Variants in ABCA2 observed in about 807,000 individuals in gnomAD.
ABCA2 encodes ATP binding cassette subfamily A member 2.
ABCA2 carries 84 observed loss-of-function variants against 262.8 expected under a neutral mutation model. The observed-to-expected ratio is 0.32, with a 90% CI of 0.27 to 0.38. The LOEUF (loss-of-function observed/expected upper bound fraction) is 0.38, where lower values mean the gene tolerates loss of function less well. Among genes scored for constraint, ABCA2 ranks in the 10% least tolerant of loss-of-function variants. The pLI, the probability that ABCA2 is intolerant of heterozygous loss-of-function variation, is 1.00. For missense variants in ABCA2, 2,662 were observed against 3,405.9 expected (o/e 0.78, Z 5.44); for synonymous variants, 1,696 against 1,502.9 (o/e 1.13, Z -2.97).
chr9:137,015,632 G>A, intron 23 of ABCA2, 36 bp from the exon 24 acceptor site: 2 of 1,611,394 alleles, frequency 1.2e-6, no homozygotes, highest in Non-Finnish European at 1.7e-6. Context: ...AGGGGGCAGG[G>A]GAGGCGCCGC....
chr9:137,012,946 G>A (rs761136889), intron 30 of ABCA2, 21 bp from the exon 31 acceptor site: 80 of 1,489,768 alleles, frequency 5.4e-5, no homozygotes, highest in South Asian at 2.6e-4. Context: ...AGCATGGTGC[G>A]GTGAGAAGGA....
At chr9:137,017,162 G>C in intron 18 of ABCA2, 34 bp downstream of exon 18, 3 of 1,611,524 alleles carry the variant, frequency 1.9e-6, no homozygotes, top group Non-Finnish European at 1.7e-6. Context: ...GGGTGGCCCG[G>C]CACCCCAGCC....
intron 10 of ABCA2, 161 bp downstream of exon 10, chr9:137,020,157 TCCCGAAAGGAAAAGCGAC>T: frequency 4.1e-6 from 3 of 739,556 alleles, no homozygotes; most frequent in Non-Finnish European, 6.4e-6. Context: ...CCCCTGGAGC[TCCCGAAAGGAAAAGCGAC>T]CCCCTGGTCC....
At chr9:137,010,771 C>T (rs749539909) in intron 39 of ABCA2, 34 bp from the exon 40 acceptor site, 25 of 1,589,294 alleles carry the variant, frequency 1.6e-5, no homozygotes, top group Middle Eastern at 1.7e-4. Context: ...TCCAGCAGCT[C>T]GCCACCCCCA....
rs372371950 is a variant in ABCA2, at chr9:137,020,765, C to T, written c.1194G>A (p.Thr398=). The T allele has an allele frequency of 4.7e-4, 753 of 1,598,012 alleles. No individual in the cohort carries two copies. The highest frequency in any genetic ancestry group is 6.0e-4 in the Non-Finnish European group (707 of 1,175,670). ...PSAAALATPD[T]LQGQCSAFVQ... The stretch of plus-strand genomic sequence containing the variant: ...CGAAGGCTGAGCACTGGCCCTGCAG[C>T]GTGTCCGGGGTGGCCAGTGCTGCAG... The change falls in exon 9 of 49, where the codon ACG becomes ACA. Residue 398 remains threonine, a synonymous_variant. Transcript: ENST00000341511.
Position 137,017,675 on chromosome 9 carries a change from G to A in ABCA2, c.2229C>T (p.Gly743=). The A allele has an allele frequency of 2.5e-6, 4 of 1,609,532 alleles. No individual in the cohort carries two copies. The highest frequency in any genetic ancestry group is 3.4e-6 in the Non-Finnish European group (4 of 1,177,246). Residue 743 remains glycine (G), a synonymous_variant, in exon 17 of 49, where the codon GGC becomes GGT. Coordinates refer to ENST00000341511, the MANE Select transcript of ABCA2 (RefSeq NM_001606.5). Reference sequence around the variant, plus strand: ...CCACCCAGTGCACCGCGTTGTTCAGGCCCATGGTCTTCATCACCTGCGGGT... The same window carrying A: ...CCACCCAGTGCACCGCGTTGTTCAGACCCATGGTCTTCATCACCTGCGGGT... The part of the protein sequence containing the change: ...HRLKEVMKTM[G]LNNAVHWVAW...
At chr9:137,018,394 G>T in intron 13 of ABCA2, 43 bp from the exon 14 acceptor site, 6 of 656,748 alleles carry the variant, frequency 9.1e-6, no homozygotes, top group South Asian at 3.1e-5. Flanking sequence ...GCAGGGGCGG[G>T]ACCAAGGCGT....
chr9:137,011,832 C>A lies in ABCA2; in HGVS notation c.5535+12G>T, dbSNP rs894073564. 14 of 1,568,994 alleles carry A rather than the reference C, an allele frequency of 8.9e-6. No homozygotes were observed. The highest frequency in any genetic ancestry group is 1.2e-5 in the Non-Finnish European group (14 of 1,158,164). On this transcript the variant is annotated intron_variant, in intron 35 of 48. Transcript: ENST00000341511. This position sits in a 1 kb window ranked among gnomAD's most constrained non-coding sequence, Gnocchi z 8.8. ...GAAGGGCCGGGGCACCCCATGGCCA[C>A]GCCGGGCGCACCATGTCCCACACGT...
intron 6 of ABCA2, 79 bp downstream of exon 6, chr9:137,022,272 C>G: frequency 1.3e-6 from 2 of 1,481,676 alleles, no homozygotes; most frequent in Non-Finnish European, 1.8e-6. Context: ...GGCTGAGCAT[C>G]CTGAGGATGG....
At chr9:137,018,479 G>A (rs1831340856) in intron 13 of ABCA2, 128 bp from the exon 14 acceptor site, 1 of 740,286 alleles carries the variant, frequency 1.4e-6, no homozygotes, top group Non-Finnish European at 2.0e-6. Context: ...GGGAAAGGTG[G>A]GACAGGGCTG....
Position 137,025,505 on chromosome 9 carries a change from G to A in ABCA2, c.67-1269C>T, listed in dbSNP as rs551191380. Among the ~76,000 whole-genome samples the A allele has an allele frequency of 3.3e-5, 5 of 152,350 alleles. No individual in the cohort carries two copies. The East Asian group carries it at 9.6e-4, about 29-fold the overall frequency. Reference sequence around the variant, plus strand: ...AGTCCCCGGTCCCTGGGGTGGGGGCGGCTGCTGTGTTTACTGTGCTTGGAC... The same window carrying A: ...AGTCCCCGGTCCCTGGGGTGGGGGCAGCTGCTGTGTTTACTGTGCTTGGAC... On this transcript the variant is annotated intron_variant, in intron 1 of 48. Coordinates refer to ENST00000341511, the MANE Select transcript of ABCA2 (RefSeq NM_001606.5).
chr9:137,021,946 T>G lies in ABCA2; in HGVS notation c.623A>C (p.His208Pro). 6.2e-7 allele frequency: 1 copy of G among 1,604,876 alleles called. No individual in the cohort carries two copies. Among genetic ancestry groups the G allele is most frequent in the Non-Finnish European group, 8.5e-7 (1 of 1,177,076 alleles). ...SSALDSQSGL[H>P]KGQEPWSRLG... ...GCGGCTCCAGGGCTCCTGACCCTTG[T>G]GGAGGCCAGACTGTGAATCCAGGGC... Residue 208 changes from histidine (H) to proline (P), a missense_variant, in exon 7 of 49, where the codon CAC becomes CCC. His to Pro is a moderately conservative substitution (Grantham distance 77, BLOSUM62 -2). Around this residue, in one of 12 missense-constraint regions of ABCA2, gnomAD observed 403 missense variants for 375.9 expected, o/e 1.07. Transcript: ENST00000341511. The surrounding 1 kb of genome is among the most constrained non-coding windows in gnomAD (Gnocchi z 6.0).
Position 137,015,864 on chromosome 9 carries a change from C to G in ABCA2, c.3325G>C (p.Glu1109Gln). ...CGTTTGTTGGAGAGCTCCAGGTCCT[C>G]GATCATCCTGGGACAGGGAGGTGGG... ...EIRREMDKMI[E>Q]DLELSNKRHS... Residue 1109 changes from glutamate to glutamine, a missense_variant, in exon 23 of 49, where the codon GAG becomes CAG. Around this residue, in one of 12 missense-constraint regions of ABCA2, gnomAD observed 180 missense variants for 307.3 expected, o/e 0.59. Coordinates refer to ENST00000341511, the MANE Select transcript of ABCA2 (RefSeq NM_001606.5). 1 of 1,609,458 alleles carries G rather than the reference C, an allele frequency of 6.2e-7. No individual in the cohort carries two copies. The highest frequency in any genetic ancestry group is 8.5e-7 in the Non-Finnish European group (1 of 1,177,496).
Position 137,018,254 on chromosome 9 carries a change from G to A in ABCA2, c.1917C>T (p.Ile639=). Residue 639 remains isoleucine, a synonymous_variant, in exon 14 of 49, where the codon ATC becomes ATT. Coordinates refer to ENST00000341511, the MANE Select transcript of ABCA2 (RefSeq NM_001606.5). ...NSSFTEKTNE[I]RRAYWRPGPN... is the part of the protein sequence containing the mutation. Reference sequence around the variant, plus strand: ...GCCCAGGCCGCCAGTAGGCGCGGCGGATCTCGTTGGTTTTCTCGGTGAAGC... The same window carrying A: ...GCCCAGGCCGCCAGTAGGCGCGGCGAATCTCGTTGGTTTTCTCGGTGAAGC... 2 of 1,611,246 alleles carry A rather than the reference G, an allele frequency of 1.2e-6. No homozygotes were observed. Among genetic ancestry groups the A allele is most frequent in the Non-Finnish European group, 1.7e-6 (2 of 1,179,672 alleles).
At chr9:137,028,532 G>A (rs1232908403), upstream of ABCA2, among the ~76,000 whole-genome samples, 2 of 152,042 alleles carry the variant, frequency 1.3e-5, no homozygotes, top group Admixed American at 6.5e-5. The surrounding 1 kb of genome is among the most constrained non-coding windows in gnomAD (Gnocchi z 6.9). Context: ...GGGACCCTCG[G>A]GCGCTGCGCT....
At chr9:137,012,221 C>T in intron 33 of ABCA2, 44 bp downstream of exon 33, 5 of 1,594,160 alleles carry the variant, frequency 3.1e-6, no homozygotes, top group Non-Finnish European at 4.3e-6. Flanking sequence ...CGCCCCGGCC[C>T]CAGCTCCTCC....
intron 45 of ABCA2, 41 bp downstream of exon 45, chr9:137,009,329 C>CCGG: frequency 1.8e-4 from 193 of 1,049,580 alleles, no homozygotes; most frequent in Non-Finnish European, 2.5e-4. Flanking sequence ...CCGCCCCCCC[C>CCGG]GGGCCCGCCC....
Position 137,022,743 on chromosome 9 carries a change from G to C in ABCA2, c.398C>G (p.Ala133Gly), listed in dbSNP as rs551444612. 1 of 1,604,736 alleles carries C rather than the reference G, an allele frequency of 6.2e-7. No homozygotes were observed. Among genetic ancestry groups the C allele is most frequent in the Non-Finnish European group, 8.5e-7 (1 of 1,177,646 alleles). Residue 133 changes from alanine to glycine, a missense_variant, in exon 5 of 49, where the codon GCG (alanine) becomes GGG (glycine). This residue lies in a region of ABCA2 where 403 missense variants were observed against 375.9 expected (regional missense o/e 1.07). Transcript: ENST00000341511. Reference sequence around the variant, plus strand: ...GTGGCTCCCCGAGGTGCCCGGGCCCGCACTGAGGGCCTCCAGATGCTGGCG... The same window carrying C: ...GTGGCTCCCCGAGGTGCCCGGGCCCCCACTGAGGGCCTCCAGATGCTGGCG... The part of the protein sequence containing the change: ...ALRQHLEALS[A>G]GPGTSGSHLD...
rs539405411 is a variant in ABCA2 at position 137,023,972 on chromosome 9, C to A, written c.161-132G>T. 358 of 1,531,550 alleles carry A rather than the reference C, an allele frequency of 2.3e-4. No individual in the cohort carries two copies. In the African/African-American group the frequency reaches 4.1e-3, roughly 17 times the overall value. 94.9% of individuals were successfully genotyped at this position (1,531,550 alleles called of 1,614,324 possible). Reference sequence around the variant, plus strand: ...ATCATTCGCGGCCACAGGCCAGCCCCGACCTCCACAGCCCAGCCAGGAGGC... The same window carrying A: ...ATCATTCGCGGCCACAGGCCAGCCCAGACCTCCACAGCCCAGCCAGGAGGC... On this transcript the variant is annotated intron_variant, in intron 2 of 48. Transcript: ENST00000341511.
Sources: gnomAD v4.1 joint callset for allele counts (sites outside exome capture counted in the v4.1 genomes callset) on GRCh38, gnomAD v4.1.1 for gene constraint, gnomAD v4.1.1 regional missense constraint, Gnocchi (gnomAD v3.1) non-coding constraint, MANE v1.5 for transcripts, NCBI Gene and HGNC (gene_info 2026-07-23, HGNC 2026-07-21) for gene names.